The following SKAP2 variants were observed in gnomAD, a reference collection of about 807,000 sequenced individuals.
SKAP2 encodes src kinase-associated phosphoprotein 2.
SKAP2 carries 28 observed loss-of-function variants against 54.9 expected under a neutral mutation model. That is an observed-to-expected ratio of 0.51 (90% CI 0.38 to 0.70). SKAP2 has a LOEUF of 0.70. Ranked by LOEUF, SKAP2 falls within the 30% of genes least tolerant of loss-of-function variation. SKAP2 has a pLI of 0.00. For missense variants in SKAP2, 356 were observed against 424.1 expected (o/e 0.84, Z 1.41); for synonymous variants, 137 against 134.3 (o/e 1.02, Z -0.14).
intron 4 of SKAP2, among the ~76,000 whole-genome samples, chr7:26,832,186 T>A (rs900640414): frequency 3.3e-5 from 5 of 152,192 alleles, no homozygotes; most frequent in Non-Finnish European, 2.9e-5. Context: ...CTGAATAAAG[T>A]TGGTAAGGTT....
At chr7:26,735,935 A>G (rs1233107249) in intron 6 of SKAP2, among the ~76,000 whole-genome samples, 1 of 152,214 alleles carries the variant, frequency 6.6e-6, no homozygotes, top group South Asian at 2.1e-4. Context: ...CGCCAATAGA[A>G]AAAAGAACCA....
At chr7:26,828,487 C>T (rs1466392403) in intron 4 of SKAP2, among the ~76,000 whole-genome samples, 1 of 150,998 alleles carries the variant, frequency 6.6e-6, no homozygotes, top group African/African-American at 2.4e-5. Flanking sequence ...ACCATCCTGG[C>T]TAACACGGTG....
chr7:26,725,950 C>A lies in SKAP2; in HGVS notation c.631G>T (p.Val211Leu). ...TGCAATACAAATTTCAGCTGCTGTA[C>A]CCATTCTTCAGCATCTTTGGGAGAA... ...AASPKDAEEWVQQLKFVLQDM... is the reference protein window; with the variant it reads ...AASPKDAEEWLQQLKFVLQDM... Residue 211 changes from valine (V) to leucine (L), a missense_variant, in exon 8 of 13, where the codon GTA (valine) becomes TTA (leucine). Transcript: ENST00000345317. The A allele has an allele frequency of 6.2e-7, 1 of 1,611,004 alleles. No homozygotes were observed. Among genetic ancestry groups the A allele is most frequent in the Non-Finnish European group, 8.5e-7 (1 of 1,178,342 alleles).
chr7:26,721,871 C>T (rs1044697559), intron 9 of SKAP2, among the ~76,000 whole-genome samples: 6 of 152,062 alleles, frequency 3.9e-5, no homozygotes, highest in Non-Finnish European at 8.8e-5. Flanking sequence ...TATTATTTTC[C>T]CCTTTTGAGA....
intron 4 of SKAP2, among the ~76,000 whole-genome samples, chr7:26,741,396 G>A (rs948062569): frequency 6.6e-6 from 1 of 151,160 alleles, no homozygotes; most frequent in African/African-American, 2.4e-5. Flanking sequence ...ATACGCGCCT[G>A]CAGTCCCAGC....
rs1280637842 is a variant in SKAP2 at position 26,726,970 on chromosome 7, T to C, written c.506A>G (p.Tyr169Cys). The C allele has an allele frequency of 6.2e-7, 1 of 1,605,386 alleles. No individual in the cohort carries two copies. The highest frequency in any genetic ancestry group is 1.1e-5 in the South Asian group (1 of 89,286). The change falls in exon 7 of 13, where the codon TAC becomes TGC. Residue 169 changes from tyrosine to cysteine, a missense_variant. By Grantham distance (194) the Tyr-to-Cys change is radical. Coordinates refer to ENST00000345317, the MANE Select transcript of SKAP2 (RefSeq NM_003930.5). ...QQKGEFAIDG[Y>C]SVRMNNTLRK... ...TAGAGTGTTATTCATTCTGACACTG[T>C]AGCCATCTATTGCAAATTCACCTTT...
At chr7:26,685,957 G>A (rs1281917981) in intron 10 of SKAP2, among the ~76,000 whole-genome samples, 2 of 152,174 alleles carry the variant, frequency 1.3e-5, no homozygotes, top group Non-Finnish European at 2.9e-5. Flanking sequence ...GGGGATAACT[G>A]TGGAGACACA....
chr7:26,739,314 A>G (rs965726876), intron 5 of SKAP2, among the ~76,000 whole-genome samples: 7 of 152,250 alleles, frequency 4.6e-5, no homozygotes, highest in African/African-American at 1.4e-4. Flanking sequence ...AGGGACTACA[A>G]GAGAGATAAG....
intron 1 of SKAP2, among the ~76,000 whole-genome samples, chr7:26,862,753 T>C (rs1478575908): frequency 6.6e-6 from 1 of 152,062 alleles, no homozygotes; most frequent in Non-Finnish European, 1.5e-5. Context: ...TGATTTATGA[T>C]TATGGATCCA....
At chr7:26,674,531 T>C (rs2128084485) in intron 11 of SKAP2, among the ~76,000 whole-genome samples, 1 of 152,308 alleles carries the variant, frequency 6.6e-6, no homozygotes, top group South Asian at 2.1e-4. Context: ...TTACTATTAC[T>C]ATCTATACAT....
chr7:26,774,469 A>C (rs1211324475), intron 4 of SKAP2, among the ~76,000 whole-genome samples: 3 of 151,880 alleles, frequency 2.0e-5, no homozygotes, highest in Non-Finnish European at 4.4e-5. Context: ...TGAAATGCGA[A>C]GTGTCAGTGG....
At chr7:26,704,474 GCACTTTT>G in intron 9 of SKAP2, among the ~76,000 whole-genome samples, 1 of 152,256 alleles carries the variant, frequency 6.6e-6, no homozygotes, top group African/African-American at 2.4e-5. Context: ...GCAAATTAAA[GCACTTTT>G]CGTAATACGA....
chr7:26,728,024 C>T (rs1787743686), intron 6 of SKAP2, among the ~76,000 whole-genome samples: 1 of 151,942 alleles, frequency 6.6e-6, no homozygotes, highest in Non-Finnish European at 1.5e-5. Flanking sequence ...AGTTAAATGC[C>T]TAAAGTAACT....
At chr7:26,717,734 A>C (rs1398029855) in intron 9 of SKAP2, among the ~76,000 whole-genome samples, 1 of 151,154 alleles carries the variant, frequency 6.6e-6, no homozygotes, top group African/African-American at 2.4e-5. Flanking sequence ...TGGGAGGCTG[A>C]GGCAGGAAAA....
chr7:26,824,782 C>G (rs1358426682), intron 4 of SKAP2, among the ~76,000 whole-genome samples: 3 of 152,154 alleles, frequency 2.0e-5, no homozygotes, highest in Admixed American at 2.0e-4. Context: ...GTATAATTAT[C>G]TATAAAATAT....
chr7:26,723,410 A>T (rs1787622297), intron 9 of SKAP2, among the ~76,000 whole-genome samples: 2 of 152,132 alleles, frequency 1.3e-5, no homozygotes, highest in Admixed American at 1.3e-4. Context: ...ATCAAGCTCG[A>T]TCACTTTGCA....
chr7:26,760,605 T>C (rs1054924614), intron 4 of SKAP2, among the ~76,000 whole-genome samples: 4 of 152,104 alleles, frequency 2.6e-5, no homozygotes, highest in Non-Finnish European at 5.9e-5. Flanking sequence ...TAATAAATAC[T>C]GTAATAAAAG....
intron 4 of SKAP2, among the ~76,000 whole-genome samples, chr7:26,839,531 A>C (rs901591659): frequency 1.3e-5 from 2 of 152,148 alleles, no homozygotes; most frequent in African/African-American, 4.8e-5. Flanking sequence ...AAAATACAAA[A>C]GATAATTTTA....
chr7:26,765,369 T>C (rs1007799968), intron 4 of SKAP2, among the ~76,000 whole-genome samples: 9 of 152,312 alleles, frequency 5.9e-5, no homozygotes, highest in African/African-American at 2.2e-4. Context: ...ATTCCGGATA[T>C]TAGCCCCCTG....
Sources: allele counts gnomAD v4.1 joint callset (sites outside exome capture counted in the v4.1 genomes callset), GRCh38; gene constraint gnomAD v4.1.1; transcripts MANE v1.5; gene names NCBI Gene and HGNC (gene_info 2026-07-23, HGNC 2026-07-21).